MBD5: variants seen among roughly 807,000 people sequenced by gnomAD.
The protein encoded by MBD5 is methyl-CpG binding domain protein 5, also known as methyl-CpG-binding domain protein 5.
Under a neutral mutation model 117.3 loss-of-function variants are expected in MBD5, and 13 were observed. The observed-to-expected ratio is 0.11, with a 90% confidence interval of 0.07 to 0.18. The LOEUF (loss-of-function observed/expected upper bound fraction) is 0.18. Ranked by LOEUF, MBD5 falls within the 10% of genes least tolerant of loss-of-function variation. The pLI is 1.00. For missense variants in MBD5, 1,879 were observed against 2,093.8 expected (o/e 0.90, Z 2.00); for synonymous variants, 727 against 766.4 (o/e 0.95, Z 0.85).
intron 1 of MBD5, among the ~76,000 whole-genome samples, chr2:148,126,759 A>T (rs893848495): frequency 1.3e-5 from 2 of 152,110 alleles, no homozygotes; most frequent in Non-Finnish European, 2.9e-5. Flanking sequence ...GGAATCTCTT[A>T]TCCAACATGT....
At chr2:148,267,479 C>G (rs981952476) in intron 3 of MBD5, among the ~76,000 whole-genome samples, 2 of 152,062 alleles carry the variant, frequency 1.3e-5, no homozygotes, top group Non-Finnish European at 2.9e-5. Flanking sequence ...ACATTGGTAA[C>G]TTTTAATCGA....
chr2:148,345,156 G>A, intron 4 of MBD5, among the ~76,000 whole-genome samples: 1 of 150,648 alleles, frequency 6.6e-6, no homozygotes, highest in Non-Finnish European at 1.5e-5. Context: ...TCTTTTAGAG[G>A]GACAGAACTA....
chr2:148,145,262 T>G (rs865802245), intron 1 of MBD5, among the ~76,000 whole-genome samples: 1 of 152,322 alleles, frequency 6.6e-6, no homozygotes, highest in South Asian at 2.1e-4. Context: ...CTGTTATTGC[T>G]TTATAGGAAT....
At chr2:148,277,562 C>T (rs527976585) in intron 3 of MBD5, among the ~76,000 whole-genome samples, 2 of 152,238 alleles carry the variant, frequency 1.3e-5, no homozygotes, top group African/African-American at 4.8e-5. Flanking sequence ...CTCTTTGCCT[C>T]AAGCAATGTA....
At chr2:148,140,932 AT>A (rs1436698563) in intron 1 of MBD5, among the ~76,000 whole-genome samples, 1 of 151,614 alleles carries the variant, frequency 6.6e-6, no homozygotes, top group Non-Finnish European at 1.5e-5. Flanking sequence ...CGCCCAGCTA[AT>A]TTTTTTATTT....
chr2:148,492,595 GTTCCT>G (rs1339112113), intron 11 of MBD5, among the ~76,000 whole-genome samples: 1 of 151,990 alleles, frequency 6.6e-6, no homozygotes, highest in Admixed American at 6.6e-5. Context: ...TTAAAAACCT[GTTCCT>G]TTCAGGACCT....
At chr2:148,427,590 G>GA (rs1336234680) in intron 4 of MBD5, among the ~76,000 whole-genome samples, 1 of 151,740 alleles carries the variant, frequency 6.6e-6, no homozygotes, top group Admixed American at 6.6e-5. Context: ...ATTGAACAAT[G>GA]AAAACACATG....
chr2:148,463,574 C>T (rs1707164903), intron 6 of MBD5, among the ~76,000 whole-genome samples, 165 bp from the exon 7 acceptor site: 1 of 152,090 alleles, frequency 6.6e-6, no homozygotes, highest in African/African-American at 2.4e-5. Context: ...TTGAGTTCAG[C>T]AGAAGTACTT....
At chr2:148,131,311 A>G (rs1017114381) in intron 1 of MBD5, among the ~76,000 whole-genome samples, 2 of 152,122 alleles carry the variant, frequency 1.3e-5, no homozygotes, top group African/African-American at 4.8e-5. Flanking sequence ...ACATGTAATG[A>G]GTGGTCTATA....
At chr2:148,088,955 G>C (rs1695866134) in intron 1 of MBD5, among the ~76,000 whole-genome samples, 1 of 152,072 alleles carries the variant, frequency 6.6e-6, no homozygotes, top group Non-Finnish European at 1.5e-5. Context: ...TTGTCTTCAA[G>C]AGACTCACCT....
intron 4 of MBD5, among the ~76,000 whole-genome samples, chr2:148,437,671 T>C (rs1706194254): frequency 6.6e-6 from 1 of 151,852 alleles, no homozygotes; most frequent in Admixed American, 6.6e-5. Flanking sequence ...AACATACATA[T>C]CTTTGCAAGC....
intron 3 of MBD5, among the ~76,000 whole-genome samples, chr2:148,315,974 T>C (rs981683629): frequency 7.2e-5 from 11 of 152,176 alleles, no homozygotes; most frequent in South Asian, 2.1e-4. Context: ...GAAGCATGGC[T>C]GGGGAAGCCT....
intron 4 of MBD5, among the ~76,000 whole-genome samples, chr2:148,435,164 TGA>T (rs1322825107): frequency 6.6e-6 from 1 of 152,154 alleles, no homozygotes; most frequent in East Asian, 1.9e-4. Flanking sequence ...TCACTGCATG[TGA>T]GATGGATCAC....
intron 3 of MBD5, among the ~76,000 whole-genome samples, chr2:148,292,527 A>G (rs1191147227): frequency 6.6e-6 from 1 of 152,196 alleles, no homozygotes; most frequent in Non-Finnish European, 1.5e-5. Flanking sequence ...ATATCCTCTC[A>G]CCCCAATTAA....
intron 4 of MBD5, among the ~76,000 whole-genome samples, chr2:148,370,615 A>G (rs1422028694): frequency 6.6e-6 from 1 of 152,002 alleles, no homozygotes; most frequent in Non-Finnish European, 1.5e-5. Context: ...CAGCCTCCCA[A>G]GTAGCTGGGA....
At chr2:148,042,157 A>G (rs949605892) in intron 1 of MBD5, among the ~76,000 whole-genome samples, 1 of 152,174 alleles carries the variant, frequency 6.6e-6, no homozygotes, top group African/African-American at 2.4e-5. Context: ...AGCATATAAT[A>G]CTCTTGCTTT....
intron 7 of MBD5, 87 bp downstream of exon 7, chr2:148,464,006 CTA>C: frequency 3.6e-6 from 5 of 1,397,894 alleles, no homozygotes; most frequent in Middle Eastern, 1.9e-4. Context: ...TTTTCTCATT[CTA>C]CTTTTCAGGC....
At chr2:148,162,627 G>A (rs1168839038) in intron 1 of MBD5, among the ~76,000 whole-genome samples, 1 of 152,124 alleles carries the variant, frequency 6.6e-6, no homozygotes. Context: ...TAGCAATAGT[G>A]TGTGAGTAAA....
chr2:148,326,321 G>T (rs1702449642), intron 3 of MBD5, among the ~76,000 whole-genome samples: 2 of 152,282 alleles, frequency 1.3e-5, no homozygotes, highest in Non-Finnish European at 2.9e-5. Flanking sequence ...TGTTGATTTG[G>T]GGTGGAGAGT....
Sources: allele counts gnomAD v4.1 joint callset (sites outside exome capture counted in the v4.1 genomes callset), GRCh38; gene constraint gnomAD v4.1.1; transcripts MANE v1.5; gene names NCBI Gene and HGNC (gene_info 2026-07-23, HGNC 2026-07-21).